FARS2: variants seen among roughly 807,000 people sequenced by gnomAD.
FARS2 encodes the protein phenylalanyl-tRNA synthetase 2, mitochondrial.
In FARS2, 40 loss-of-function variants were observed where a neutral mutation model predicts 46.4. That is an observed-to-expected ratio of 0.86 (90% CI 0.67 to 1.12). The LOEUF is 1.12. FARS2 is among the 50% of genes most tolerant of loss of function. FARS2 has a pLI of 0.00. For synonymous variants in FARS2, 234 were observed against 214.9 expected, an observed-to-expected ratio of 1.09 and a Z score of -0.78; for missense variants, 513 against 567.9, an observed-to-expected ratio of 0.90 and a Z score of 0.98.
chr6:5,624,052 G>A (rs1439869417), intron 6 of FARS2, among the ~76,000 whole-genome samples: 1 of 152,194 alleles, frequency 6.6e-6, no homozygotes, highest in African/African-American at 2.4e-5. Context: ...ACACTGCCAG[G>A]CCTCTTTAAA....
chr6:5,609,630 C>T (rs1775060092), intron 5 of FARS2: 1 of 1,206,320 alleles, frequency 8.3e-7, no homozygotes, highest in South Asian at 1.2e-5. Context: ...GAAGCACTCA[C>T]CATCTCTTGC....
intron 6 of FARS2, among the ~76,000 whole-genome samples, chr6:5,710,793 G>A (rs1328502664): frequency 6.6e-6 from 1 of 152,222 alleles, no homozygotes; most frequent in Non-Finnish European, 1.5e-5. Flanking sequence ...AGGGGCTCAC[G>A]TGGCAACTGC....
At chr6:5,362,787 A>G (rs934493544) in intron 1 of FARS2, among the ~76,000 whole-genome samples, 7 of 152,092 alleles carry the variant, frequency 4.6e-5, no homozygotes, top group Non-Finnish European at 7.4e-5. Context: ...TGTAAAGTGT[A>G]TCTATCTCAT....
At chr6:5,767,968 A>T (rs1344457947) in intron 6 of FARS2, among the ~76,000 whole-genome samples, 1 of 152,192 alleles carries the variant, frequency 6.6e-6, no homozygotes, top group African/African-American at 2.4e-5. Flanking sequence ...TTCACTGATG[A>T]GCTCCAAGAA....
intron 5 of FARS2, among the ~76,000 whole-genome samples, chr6:5,546,431 T>C (rs1419662962): frequency 1.3e-5 from 2 of 151,660 alleles, no homozygotes; most frequent in African/African-American, 4.8e-5. Context: ...TGTGTATTTT[T>C]AGTAGAGACG....
chr6:5,369,005 C>T lies in FARS2; in HGVS notation c.435C>T (p.Tyr145=). The T allele has an allele frequency of 1.2e-6, 2 of 1,614,112 alleles. No homozygotes were observed. The highest frequency in any genetic ancestry group is 1.7e-6 in the Non-Finnish European group (2 of 1,179,982). ...HPSRKKGDNY[Y]LNRTHMLRAH... The stretch of plus-strand genomic sequence containing the variant: ...GCAGGAAGAAGGGGGACAACTATTA[C>T]CTGAATCGGACTCACATGCTGAGAG... Residue 145 remains tyrosine (Y), a synonymous_variant, in exon 2 of 7, where the codon TAC becomes TAT. Transcript: ENST00000274680.
intron 4 of FARS2, among the ~76,000 whole-genome samples, chr6:5,446,243 G>A (rs553851900): frequency 1.1e-3 from 165 of 151,120 alleles, no homozygotes; most frequent in Middle Eastern, 6.8e-3. Context: ...CTCGAGGCAT[G>A]CCTTCAATAC....
chr6:5,315,212 A>C (rs1300254376), intron 1 of FARS2, among the ~76,000 whole-genome samples: 2 of 152,204 alleles, frequency 1.3e-5, no homozygotes, highest in African/African-American at 4.8e-5. Context: ...CTGTTATGCG[A>C]ATCTTGGCCA....
chr6:5,517,553 A>G (rs1768882701), intron 4 of FARS2, among the ~76,000 whole-genome samples: 2 of 151,966 alleles, frequency 1.3e-5, no homozygotes, highest in African/African-American at 4.8e-5. Context: ...TGGAGGTTGC[A>G]GGGAGCCAAG....
At position 5,381,407 on chromosome 6, in the gene FARS2, ACACACACACACACAG is replaced by A. The variant is rs1561999123; in HGVS notation, c.612+12226_612+12240del. On this transcript the variant is annotated intron_variant, in intron 2 of 6. Coordinates refer to ENST00000274680, the MANE Select transcript of FARS2 (RefSeq NM_006567.5). ...CACACACACACACACACACACACATACACACACACACACAGATGCAGAATTTTTTATATAGTTTAA... is the reference window on the plus strand; with the variant it reads ...CACACACACACACACACACACACATAATGCAGAATTTTTTATATAGTTTAA... Among the ~76,000 whole-genome samples, 416 of 74,428 alleles carry A rather than the reference ACACACACACACACAG, an allele frequency of 5.6e-3. 1 individual carries two copies. Among genetic ancestry groups the A allele is most frequent in the Middle Eastern group, 0.024 (4 of 166 alleles). 48.8% of individuals were successfully genotyped at this position (74,428 alleles called of 152,430 possible). A position where few individuals can be genotyped will look rare whatever the true frequency, so the allele number is the denominator to read the frequency against.
intron 6 of FARS2, among the ~76,000 whole-genome samples, chr6:5,647,858 C>T (rs951522807): frequency 1.3e-5 from 2 of 152,190 alleles, no homozygotes; most frequent in Non-Finnish European, 2.9e-5. Flanking sequence ...GTAATTAGCA[C>T]GTAACCCAAT....
intron 6 of FARS2, among the ~76,000 whole-genome samples, chr6:5,686,020 C>T (rs1757169335): frequency 6.6e-6 from 1 of 152,060 alleles, no homozygotes; most frequent in Admixed American, 6.5e-5. Context: ...AAAATGATGC[C>T]GGAGCTGAAT....
intron 6 of FARS2, among the ~76,000 whole-genome samples, chr6:5,632,445 C>T (rs1003457715): frequency 2.0e-5 from 3 of 151,930 alleles, no homozygotes; most frequent in African/African-American, 4.8e-5. Context: ...CATTTTGAAG[C>T]GGGCAATTCA....
chr6:5,350,244 G>A (rs575131716), intron 1 of FARS2, among the ~76,000 whole-genome samples: 2 of 148,694 alleles, frequency 1.3e-5, no homozygotes, highest in African/African-American at 5.0e-5. Context: ...CTGGTCTCAA[G>A]CATTCCTCCT....
intron 6 of FARS2, among the ~76,000 whole-genome samples, chr6:5,736,068 G>A (rs1451671975): frequency 6.6e-6 from 1 of 152,240 alleles, no homozygotes; most frequent in Non-Finnish European, 1.5e-5. Flanking sequence ...CAAGATGTCA[G>A]CTGATGCTGC....
At chr6:5,738,205 C>A (rs1160344549) in intron 6 of FARS2, among the ~76,000 whole-genome samples, 4 of 152,244 alleles carry the variant, frequency 2.6e-5, no homozygotes, top group African/African-American at 4.8e-5. Context: ...CCTGCCTTGG[C>A]CTCCCAAAGT....
At position 5,764,583 on chromosome 6, in the gene FARS2, C is replaced by T. The variant is rs1327948626; in HGVS notation, c.1218-6708C>T. Among the ~76,000 whole-genome samples, 1 of 152,132 alleles carries T rather than the reference C, an allele frequency of 6.6e-6. No individual in the cohort carries two copies. The highest frequency in any genetic ancestry group is 1.5e-5 in the Non-Finnish European group (1 of 68,018). ...TGCCCCGTGACAGCATCTTCTCTCCCGTTGAGTAATCCCTGCATGAATAGA... is the reference window on the plus strand; with the variant it reads ...TGCCCCGTGACAGCATCTTCTCTCCTGTTGAGTAATCCCTGCATGAATAGA... On this transcript the variant is annotated intron_variant, in intron 6 of 6. Transcript: ENST00000274680. The surrounding 1 kb of genome is among the most constrained non-coding windows in gnomAD (Gnocchi z 4.1).
At chr6:5,518,091 A>C (rs1455157416) in intron 4 of FARS2, among the ~76,000 whole-genome samples, 1 of 152,190 alleles carries the variant, frequency 6.6e-6, no homozygotes, top group African/African-American at 2.4e-5. Flanking sequence ...CATTTTACTT[A>C]GCTCTAGGCT....
rs773114309 is a variant in FARS2 at position 5,385,907 on chromosome 6, G to T, written c.612+16725G>T. Among the ~76,000 whole-genome samples, 6 of 152,236 alleles carry T rather than the reference G, an allele frequency of 3.9e-5. No individual in the cohort carries two copies. In the East Asian group the frequency reaches 1.2e-3, roughly 29 times the overall value. ...GGCTTATCCCTGGGGCTCAGGGGTCGCCTGCTTAGTGACAGGTTTTGGTTG... is the reference window on the plus strand; with the variant it reads ...GGCTTATCCCTGGGGCTCAGGGGTCTCCTGCTTAGTGACAGGTTTTGGTTG... On this transcript the variant is annotated intron_variant, in intron 2 of 6. Transcript: ENST00000274680.
Sources: allele counts gnomAD v4.1 joint callset (sites outside exome capture counted in the v4.1 genomes callset), GRCh38; gene constraint gnomAD v4.1.1; non-coding constraint Gnocchi (gnomAD v3.1); transcripts MANE v1.5; gene names NCBI Gene and HGNC (gene_info 2026-07-23, HGNC 2026-07-21).